The following RAP1GAP2 variants were observed in gnomAD, a reference collection of about 807,000 sequenced individuals.
The protein encoded by RAP1GAP2 is RAP1 GTPase activating protein 2.
A neutral mutation model predicts 95.0 loss-of-function variants in RAP1GAP2; 27 were observed. The observed-to-expected ratio is 0.28, with a 90% confidence interval of 0.21 to 0.39. The LOEUF is 0.39. Among genes scored for constraint, RAP1GAP2 ranks in the 10% least tolerant of loss-of-function variants. The pLI is 1.00. For synonymous variants in RAP1GAP2, 373 were observed against 380.9 expected (o/e 0.98, Z 0.24); for missense variants, 771 against 970.0 (o/e 0.79, Z 2.72).
At chr17:3,032,897 C>T (rs569138704) in intron 24 of RAP1GAP2, among the ~76,000 whole-genome samples, 1 of 152,258 alleles carries the variant, frequency 6.6e-6, no homozygotes, top group Admixed American at 6.5e-5. Context: ...CCCCAGGAGG[C>T]CTCTTCCCCT....
At chr17:2,900,274 A>T (rs1412394134) in intron 2 of RAP1GAP2, among the ~76,000 whole-genome samples, 1 of 152,126 alleles carries the variant, frequency 6.6e-6, no homozygotes, top group East Asian at 1.9e-4. Context: ...CTCATTTGAG[A>T]TGCCAGAAAT....
At chr17:2,938,550 T>G (rs767025442) in intron 3 of RAP1GAP2, among the ~76,000 whole-genome samples, 6 of 152,072 alleles carry the variant, frequency 3.9e-5, no homozygotes, top group Non-Finnish European at 8.8e-5. Flanking sequence ...CCTGAGCTCA[T>G]GGTGTGTCTC....
chr17:2,786,057 A>G (rs1350515848), intron 1 of RAP1GAP2, among the ~76,000 whole-genome samples: 1 of 151,970 alleles, frequency 6.6e-6, no homozygotes, highest in Non-Finnish European at 1.5e-5. Flanking sequence ...ATGTGCCACC[A>G]TGCCTGGCTA....
At chr17:2,942,177 T>TA (rs2043523376) in intron 3 of RAP1GAP2, among the ~76,000 whole-genome samples, 1 of 152,160 alleles carries the variant, frequency 6.6e-6, no homozygotes, top group Non-Finnish European at 1.5e-5. Flanking sequence ...TTAACCACTC[T>TA]AAGTCTCCAA....
At chr17:2,953,940 C>G (rs1017638861) in intron 3 of RAP1GAP2, among the ~76,000 whole-genome samples, 1 of 152,146 alleles carries the variant, frequency 6.6e-6, no homozygotes, top group African/African-American at 2.4e-5. Context: ...GTTTTAGAAC[C>G]TTTTTATTGC....
chr17:2,924,469 A>G (rs2042889728), intron 3 of RAP1GAP2, among the ~76,000 whole-genome samples: 1 of 151,702 alleles, frequency 6.6e-6, no homozygotes, highest in South Asian at 2.1e-4. Flanking sequence ...ACGGGAAGCC[A>G]GAAGTGGGGG....
chr17:3,024,656 CA>C (rs1305619701), intron 19 of RAP1GAP2, among the ~76,000 whole-genome samples: 4 of 152,200 alleles, frequency 2.6e-5, no homozygotes, highest in Admixed American at 6.5e-5. Flanking sequence ...AAAGTGGAAA[CA>C]GTCCAAATGT....
intron 3 of RAP1GAP2, among the ~76,000 whole-genome samples, chr17:2,929,724 C>T (rs1456819182): frequency 1.3e-5 from 2 of 152,216 alleles, no homozygotes; most frequent in African/African-American, 2.4e-5. Flanking sequence ...GCCCTGCCCG[C>T]TCCACGAAGG....
chr17:2,757,946 T>A, intron 1 of RAP1GAP2, among the ~76,000 whole-genome samples: 1 of 151,732 alleles, frequency 6.6e-6, no homozygotes, highest in Non-Finnish European at 1.5e-5. Flanking sequence ...CTCGGCTCAC[T>A]GCAAGCTCCG....
intron 3 of RAP1GAP2, among the ~76,000 whole-genome samples, chr17:2,919,940 A>G (rs1178605701): frequency 6.6e-6 from 1 of 151,188 alleles, no homozygotes; most frequent in Admixed American, 6.6e-5. Flanking sequence ...ACCTCAGGTG[A>G]TCCGCCCGCC....
At chr17:2,991,265 A>T in intron 11 of RAP1GAP2, 32 bp from the exon 12 acceptor site, 1 of 1,510,722 alleles carries the variant, frequency 6.6e-7, no homozygotes, top group African/African-American at 1.4e-5. Context: ...GAATTTTTCT[A>T]ATTCCTGCCC....
At position 2,904,039 on chromosome 17, in the gene RAP1GAP2, G is replaced by A. The variant is rs1457789371; in HGVS notation, c.81-1245G>A. On this transcript the variant is annotated intron_variant, in intron 2 of 24. Transcript: ENST00000254695. This position sits in a 1 kb window ranked among gnomAD's most constrained non-coding sequence, Gnocchi z 4.7. ...GGGGGTGCTTTGATCATTTACGCAG[G>A]ACCTGGGGGTTGGGCTGACTCTCTC... Among the ~76,000 whole-genome samples, 1 of 152,180 alleles carries A rather than the reference G, an allele frequency of 6.6e-6. No individual in the cohort carries two copies. The highest frequency in any genetic ancestry group is 1.5e-5 in the Non-Finnish European group (1 of 68,040).
At chr17:2,876,622 A>G (rs999006235) in intron 2 of RAP1GAP2, among the ~76,000 whole-genome samples, 7 of 152,190 alleles carry the variant, frequency 4.6e-5, no homozygotes, top group Admixed American at 3.9e-4. Flanking sequence ...GCCTCCAGGT[A>G]GCAGGTTTCC....
Position 3,035,126 on chromosome 17 carries a change from C to T in RAP1GAP2, c.*1765C>T, listed in dbSNP as rs533294969. 1 of 152,598 alleles carries T rather than the reference C, an allele frequency of 6.6e-6. No homozygotes were observed. Among genetic ancestry groups the T allele is most frequent in the South Asian group, 2.1e-4 (1 of 4,830 alleles). The allele number at this position is 152,598 out of a possible 1,614,324, so 9.5% of individuals were successfully genotyped here. A position where few individuals can be genotyped will look rare whatever the true frequency, so the allele number is the denominator to read the frequency against. On this transcript the variant is annotated 3_prime_UTR_variant, in exon 25 of 25. Coordinates refer to ENST00000254695, the MANE Select transcript of RAP1GAP2 (RefSeq NM_015085.5). The surrounding 1 kb of genome is among the most constrained non-coding windows in gnomAD (Gnocchi z 4.3). ...GAGAGGAGCTCTCCCTTTGCTAGTA[C>T]TTTCTCTAAAGTACTAGTCTAGTAA...
At chr17:2,998,754 G>A (rs375449140) in intron 14 of RAP1GAP2, among the ~76,000 whole-genome samples, 273 of 139,920 alleles carry the variant, frequency 2.0e-3, no homozygotes, top group African/African-American at 5.7e-3. Context: ...GGAATTTGGT[G>A]ATGCCATTTG....
At position 3,026,331 on chromosome 17, in the gene RAP1GAP2, C is replaced by G; in HGVS notation, c.1866-19C>G. 6.5e-7 allele frequency: 1 copy of G among 1,541,132 alleles called. No homozygotes were observed. The highest frequency in any genetic ancestry group is 8.8e-7 in the Non-Finnish European group (1 of 1,138,038). ...TCTCGCGTGTGACCCGGGCTGGCCT[C>G]ACTTCCTATTCCCTGCAGGCCCTTC... is the stretch of plus-strand genomic sequence containing the variant. On this transcript the variant is annotated intron_variant, in intron 20 of 24. Coordinates refer to ENST00000254695, the MANE Select transcript of RAP1GAP2 (RefSeq NM_015085.5).
intron 17 of RAP1GAP2, 63 bp from the exon 18 acceptor site, chr17:3,017,998 G>A (rs2046831891): frequency 2.0e-6 from 3 of 1,512,218 alleles, no homozygotes. Flanking sequence ...GACCCCACGA[G>A]GAGGGCAGAG....
intron 2 of RAP1GAP2, among the ~76,000 whole-genome samples, chr17:2,828,708 T>G (rs1214352815): frequency 6.6e-6 from 1 of 152,146 alleles, no homozygotes; most frequent in East Asian, 1.9e-4. Context: ...TGTGGGCTCA[T>G]CACAGGCTCT....
At position 2,924,778 on chromosome 17, in the gene RAP1GAP2, A is replaced by G. The variant is rs373294489; in HGVS notation, c.165+19410A>G. On this transcript the variant is annotated intron_variant, in intron 3 of 24. Transcript: ENST00000254695. Reference sequence around the variant, plus strand: ...CTTTAGGGGGAATGTCCCCTCCCCAATCCTATTTCGTCTTGGAGCCTATCT... The same window carrying G: ...CTTTAGGGGGAATGTCCCCTCCCCAGTCCTATTTCGTCTTGGAGCCTATCT... Among the ~76,000 whole-genome samples, 58 of 152,244 alleles carry G rather than the reference A, an allele frequency of 3.8e-4. 2 individuals are homozygous for G. In the South Asian group the frequency reaches 6.4e-3, roughly 17 times the overall value.
Sources: gnomAD v4.1 joint callset for allele counts (sites outside exome capture counted in the v4.1 genomes callset) on GRCh38, gnomAD v4.1.1 for gene constraint, Gnocchi (gnomAD v3.1) non-coding constraint, MANE v1.5 for transcripts, NCBI Gene and HGNC (gene_info 2026-07-23, HGNC 2026-07-21) for gene names.